BRWD1: variants seen among roughly 807,000 people sequenced by gnomAD.
BRWD1 encodes the protein bromodomain and WD repeat domain containing 1, also known as bromodomain and WD repeat-containing protein 1.
A neutral mutation model predicts 251.2 loss-of-function variants in BRWD1; 82 were observed. That is an observed-to-expected ratio of 0.33 (90% CI 0.27 to 0.39). The LOEUF (loss-of-function observed/expected upper bound fraction) is 0.39, where lower values mean the gene tolerates loss of function less well. Among genes scored for constraint, BRWD1 ranks in the 10% least tolerant of loss-of-function variants. The probability of loss-of-function intolerance (pLI) is 1.00; values close to 1 mark genes in which losing one functional copy is unlikely to be tolerated. For missense variants in BRWD1, 2,233 were observed against 2,711.6 expected (o/e 0.82, Z 3.92); for synonymous variants, 918 against 902.8 (o/e 1.02, Z -0.30).
chr21:39,248,653 A>C (rs1009563739), intron 20 of BRWD1, among the ~76,000 whole-genome samples: 3 of 56,576 alleles, frequency 5.3e-5, no homozygotes, highest in South Asian at 5.1e-4. Flanking sequence ...AAAAAAAAAA[A>C]AAAAAAAAAA....
In BRWD1 at chr21:39,191,147, T is replaced by G. The variant is rs2146440271; in HGVS notation, c.*5112A>C. 37 of 985,332 alleles carry G rather than the reference T, an allele frequency of 3.8e-5. No individual in the cohort carries two copies. Among genetic ancestry groups the G allele is most frequent in the Non-Finnish European group, 4.5e-5 (37 of 829,912 alleles). 61.0% of individuals were successfully genotyped at this position (985,332 alleles called of 1,614,324 possible). ...AGGCAGAATCAGAAGTAAATACTTGTTTTCAATCTACCCTATTACTGTACT... is the reference window on the plus strand; with the variant it reads ...AGGCAGAATCAGAAGTAAATACTTGGTTTCAATCTACCCTATTACTGTACT... On this transcript the variant is annotated 3_prime_UTR_variant, in exon 41 of 41. Transcript: ENST00000342449.
At chr21:39,239,072 T>C (rs1186992558) in intron 21 of BRWD1, among the ~76,000 whole-genome samples, 2 of 152,326 alleles carry the variant, frequency 1.3e-5, no homozygotes, top group East Asian at 1.9e-4. Flanking sequence ...TCTTTGTATA[T>C]TGTGAATATA....
Position 39,195,163 on chromosome 21 carries a change from C to G in BRWD1, c.*1096G>C, listed in dbSNP as rs2031744873. The G allele has an allele frequency of 9.3e-7, 1 of 1,075,302 alleles. No individual in the cohort carries two copies. Among genetic ancestry groups the G allele is most frequent in the African/African-American group, 1.7e-5 (1 of 59,186 alleles). The allele number at this position is 1,075,302 out of a possible 1,614,324, so 66.6% of individuals were successfully genotyped here. ...CACTAATAAAGATACATTTAGTTGC[C>G]CCAGCAAAGAATGCTTAGGATTGCA... On this transcript the variant is annotated 3_prime_UTR_variant, in exon 41 of 41. Transcript: ENST00000342449.
At chr21:39,260,765 G>A (rs921463874) in intron 17 of BRWD1, among the ~76,000 whole-genome samples, 4 of 152,278 alleles carry the variant, frequency 2.6e-5, no homozygotes, top group African/African-American at 7.2e-5. Flanking sequence ...ACAAAAGAGA[G>A]AACCCAAACA....
chr21:39,224,202 G>A lies in BRWD1; in HGVS notation c.3382+206C>T, dbSNP rs146928042. 2.8e-3 allele frequency among the ~76,000 whole-genome samples: 424 copies of A among 152,222 alleles called. 5 individuals are homozygous for A. Among genetic ancestry groups the A allele is most frequent in the Non-Finnish European group, 7.2e-4 (49 of 68,018 alleles). Reference sequence around the variant, plus strand: ...TGAGAAACGACAGCAAGCTATTAAGGTACAGCCAAAATCAAGCTGGAATCT... The same window carrying A: ...TGAGAAACGACAGCAAGCTATTAAGATACAGCCAAAATCAAGCTGGAATCT... On this transcript the variant is annotated intron_variant, in intron 29 of 40. Coordinates refer to ENST00000342449, the MANE Select transcript of BRWD1 (RefSeq NM_033656.4).
rs376866506 is a variant in BRWD1 at position 39,188,687 on chromosome 21, CCT to C, written c.*7570_*7571del. On this transcript the variant is annotated 3_prime_UTR_variant, in exon 41 of 41. Transcript: ENST00000342449. ...ACAGTGCAAGCACTTCAGATTTTTC[CCT>C]AAGTCTATGAAACTGATTTCACACT... 1 of 985,358 alleles carries C rather than the reference CCT, an allele frequency of 1.0e-6. No homozygotes were observed. The highest frequency in any genetic ancestry group is 1.7e-5 in the African/African-American group (1 of 57,354). The allele number at this position is 985,358 out of a possible 1,614,324, so 61.0% of individuals were successfully genotyped here. A position where few individuals can be genotyped will look rare whatever the true frequency, so the allele number is the denominator to read the frequency against.
At chr21:39,205,685 C>CT (rs372029562) in intron 37 of BRWD1, among the ~76,000 whole-genome samples, 97 of 152,056 alleles carry the variant, frequency 6.4e-4, no homozygotes, top group African/African-American at 2.3e-3. Flanking sequence ...GGCAGGAGAA[C>CT]TGCTTGACCC....
intron 15 of BRWD1, among the ~76,000 whole-genome samples, chr21:39,269,340 A>AT (rs1312671470): frequency 0.016 from 2,375 of 145,824 alleles, 28 homozygotes; most frequent in Middle Eastern, 0.021. Flanking sequence ...CCATCTTGGG[A>AT]TTTTTTTTTT....
rs2031329633 is a variant in BRWD1 at position 39,187,817 on chromosome 21, C to T, written c.*8442G>A. 2.3e-5 allele frequency: 23 copies of T among 984,990 alleles called. 1 individual carries two copies. Among genetic ancestry groups the T allele is most frequent in the Non-Finnish European group, 2.3e-5 (19 of 829,818 alleles). The allele number at this position is 984,990 out of a possible 1,614,324, so 61.0% of individuals were successfully genotyped here. On this transcript the variant is annotated 3_prime_UTR_variant, in exon 41 of 41. Transcript: ENST00000342449. ...TTCAGATTAAAATTCTAAAAAATAA[C>T]ACAGAGTTGCTTTAAGGAACCAAAA...
chr21:39,191,221 C>A lies in BRWD1; in HGVS notation c.*5038G>T. The stretch of plus-strand genomic sequence containing the variant: ...ACAATCCAATGGCAAACCCCTTTTC[C>A]AGCAGGGCTCCTGACTCGCTTCAGT... On this transcript the variant is annotated 3_prime_UTR_variant, in exon 41 of 41. Coordinates refer to ENST00000342449, the MANE Select transcript of BRWD1 (RefSeq NM_033656.4). 3 of 985,296 alleles carry A rather than the reference C, an allele frequency of 3.0e-6. No individual in the cohort carries two copies. The highest frequency in any genetic ancestry group is 3.6e-6 in the Non-Finnish European group (3 of 829,890). 61.0% of individuals were successfully genotyped at this position (985,296 alleles called of 1,614,324 possible). A position where few individuals can be genotyped will look rare whatever the true frequency, so the allele number is the denominator to read the frequency against.
At chr21:39,259,711 C>T (rs1038111098) in intron 17 of BRWD1, among the ~76,000 whole-genome samples, 9 of 152,134 alleles carry the variant, frequency 5.9e-5, no homozygotes, top group African/African-American at 2.2e-4. Flanking sequence ...GTGGCGCACG[C>T]CTGTAGTCAC....
intron 25 of BRWD1, among the ~76,000 whole-genome samples, chr21:39,230,499 T>G (rs1308013077): frequency 1.3e-5 from 2 of 152,252 alleles, no homozygotes; most frequent in Non-Finnish European, 2.9e-5. Context: ...TGCAAAATTC[T>G]GGTCACAACA....
chr21:39,305,564 A>T (rs1385026935), intron 4 of BRWD1, among the ~76,000 whole-genome samples: 1 of 152,048 alleles, frequency 6.6e-6, no homozygotes, highest in East Asian at 1.9e-4. Context: ...TCCCATCTCT[A>T]CTAAAAATAC....
intron 4 of BRWD1, among the ~76,000 whole-genome samples, chr21:39,303,293 T>C (rs895349786): frequency 3.3e-5 from 5 of 151,480 alleles, no homozygotes; most frequent in African/African-American, 4.8e-5. Context: ...CCAAGACAGG[T>C]GGATCACTAA....
intron 25 of BRWD1, among the ~76,000 whole-genome samples, chr21:39,230,875 A>T (rs2033587392): frequency 6.6e-6 from 1 of 152,104 alleles, no homozygotes; most frequent in South Asian, 2.1e-4. Context: ...CAGGCAAGTC[A>T]AATTTTTCAC....
At chr21:39,304,590 G>A (rs2036225110) in intron 4 of BRWD1, among the ~76,000 whole-genome samples, 1 of 149,252 alleles carries the variant, frequency 6.7e-6, no homozygotes, top group African/African-American at 2.5e-5. Context: ...CTCCACCCTG[G>A]GCAACAAAGT....
Position 39,313,228 on chromosome 21 carries a change from G to A in BRWD1, c.108+13C>T. The A allele has an allele frequency of 6.5e-7, 1 of 1,531,840 alleles. No individual in the cohort carries two copies. 94.9% of individuals were successfully genotyped at this position (1,531,840 alleles called of 1,614,324 possible). On this transcript the variant is annotated intron_variant, in intron 2 of 40. Transcript: ENST00000342449. ...GACGCCAAGTCCGCAGCCGCCCGCG[G>A]GCCCGCACTCACCTGGGCCGCTCTC...
intron 20 of BRWD1, among the ~76,000 whole-genome samples, chr21:39,248,631 C>T: frequency 1.1e-5 from 1 of 93,438 alleles, no homozygotes; most frequent in African/African-American, 4.5e-5. Flanking sequence ...AAGAGTGAGA[C>T]CCTATCTCCC....
chr21:39,258,151 TAC>T (rs1276753449), intron 18 of BRWD1, among the ~76,000 whole-genome samples: 1 of 152,202 alleles, frequency 6.6e-6, no homozygotes, highest in East Asian at 1.9e-4. Flanking sequence ...CTCTACCCAA[TAC>T]AGTTTTTCAA....
Sources: gnomAD v4.1 joint callset for allele counts (sites outside exome capture counted in the v4.1 genomes callset) on GRCh38, gnomAD v4.1.1 for gene constraint, MANE v1.5 for transcripts, NCBI Gene and HGNC (gene_info 2026-07-23, HGNC 2026-07-21) for gene names.